Variants in CDH12 observed in about 807,000 individuals in gnomAD.
The protein encoded by CDH12 is cadherin 12, also known as cadherin-12.
A neutral mutation model predicts 74.1 loss-of-function variants in CDH12; 41 were observed. The ratio of observed to expected loss-of-function variants is 0.55; its 90% CI spans 0.43 to 0.72. The LOEUF is 0.72. CDH12 is among the 30% of genes least tolerant of loss of function. The pLI is 0.00. For synonymous variants in CDH12, 399 were observed against 355.0 expected, an observed-to-expected ratio of 1.12 and a Z score of -1.39; for missense variants, 945 against 977.2, an observed-to-expected ratio of 0.97 and a Z score of 0.44.
At chr5:22,117,487 T>TAA (rs1341894508) in intron 4 of CDH12, among the ~76,000 whole-genome samples, 1 of 47,806 alleles carries the variant, frequency 2.1e-5, no homozygotes. Flanking sequence ...ATTATATATA[T>TAA]ATTATATATA....
At chr5:22,601,227 T>C (rs193066835) in intron 1 of CDH12, among the ~76,000 whole-genome samples, 7 of 152,216 alleles carry the variant, frequency 4.6e-5, no homozygotes, top group Non-Finnish European at 8.8e-5. Context: ...AGTTTTGTTA[T>C]ACAGGTAACT....
chr5:22,489,346 C>T (rs1373365784), intron 2 of CDH12, among the ~76,000 whole-genome samples: 1 of 151,674 alleles, frequency 6.6e-6, no homozygotes, highest in Non-Finnish European at 1.5e-5. Flanking sequence ...CGTGAGCCAC[C>T]ACGCCCGGAC....
intron 2 of CDH12, among the ~76,000 whole-genome samples, chr5:22,479,628 T>A (rs560750525): frequency 2.0e-5 from 3 of 152,212 alleles, no homozygotes; most frequent in Non-Finnish European, 2.9e-5. Flanking sequence ...GGACTAATCG[T>A]AAACATTTAA....
intron 2 of CDH12, among the ~76,000 whole-genome samples, chr5:22,424,591 T>A (rs1371540717): frequency 6.6e-6 from 1 of 152,214 alleles, no homozygotes; most frequent in Non-Finnish European, 1.5e-5. Context: ...CATTTAATTG[T>A]GCAGGCTTTG....
At chr5:21,833,468 T>TTA in intron 8 of CDH12, among the ~76,000 whole-genome samples, 1 of 115,752 alleles carries the variant, frequency 8.6e-6, no homozygotes, top group Non-Finnish European at 1.7e-5. Context: ...ATATATATTA[T>TTA]TATATATCAT....
intron 10 of CDH12, among the ~76,000 whole-genome samples, chr5:21,800,135 T>A (rs1747029200): frequency 6.6e-6 from 1 of 152,158 alleles, no homozygotes; most frequent in Admixed American, 6.5e-5. Flanking sequence ...AAACACATAA[T>A]TTATTTGGTT....
At chr5:21,767,206 G>T (rs1745076266) in intron 11 of CDH12, among the ~76,000 whole-genome samples, 1 of 151,708 alleles carries the variant, frequency 6.6e-6, no homozygotes, top group Non-Finnish European at 1.5e-5. Context: ...ATGAAAATGA[G>T]AATGTCTTTT....
At chr5:21,771,944 G>A (rs559040362) in intron 11 of CDH12, among the ~76,000 whole-genome samples, 1 of 152,230 alleles carries the variant, frequency 6.6e-6, no homozygotes, top group South Asian at 2.1e-4. Flanking sequence ...AGTCTGTTTT[G>A]TCATTCGTAA....
At chr5:22,843,173 T>C (rs1352016975) in intron 1 of CDH12, among the ~76,000 whole-genome samples, 1 of 151,976 alleles carries the variant, frequency 6.6e-6, no homozygotes, top group Non-Finnish European at 1.5e-5. Context: ...GGAAGGAAAA[T>C]ATAGTAATTT....
chr5:22,435,961 T>C (rs1440276621), intron 2 of CDH12, among the ~76,000 whole-genome samples: 4 of 151,950 alleles, frequency 2.6e-5, no homozygotes, highest in East Asian at 3.9e-4. Flanking sequence ...TTAAAAACTC[T>C]GCTCCACGTA....
chr5:22,526,057 T>A (rs1737261116), intron 1 of CDH12, among the ~76,000 whole-genome samples: 1 of 152,150 alleles, frequency 6.6e-6, no homozygotes, highest in African/African-American at 2.4e-5. Flanking sequence ...TCTTTCTTTC[T>A]CAAAGCCGAA....
intron 5 of CDH12, among the ~76,000 whole-genome samples, chr5:21,993,229 A>C (rs1026339409): frequency 6.6e-6 from 1 of 152,168 alleles, no homozygotes; most frequent in Non-Finnish European, 1.5e-5. Flanking sequence ...TGAATTTTCA[A>C]TTATGACTGA....
chr5:21,944,971 T>A (rs1755504547), intron 6 of CDH12, among the ~76,000 whole-genome samples: 1 of 152,054 alleles, frequency 6.6e-6, no homozygotes, highest in South Asian at 2.1e-4. Context: ...GCTCTCAGGT[T>A]ACACATCAAT....
At chr5:21,961,610 A>C (rs1277079497) in intron 6 of CDH12, among the ~76,000 whole-genome samples, 2 of 152,136 alleles carry the variant, frequency 1.3e-5, no homozygotes, top group Non-Finnish European at 2.9e-5. Context: ...GTGGCCTCTA[A>C]TCCAATGTGA....
chr5:22,283,205 GATATATATATAGAT>G (rs1319598689), intron 3 of CDH12, among the ~76,000 whole-genome samples: 1,150 of 107,886 alleles, frequency 0.011, 9 homozygotes, highest in African/African-American at 0.014. Context: ...ACATCTGTGA[GATATATATATAGAT>G]ATATATATAT....
intron 12 of CDH12, among the ~76,000 whole-genome samples, chr5:21,762,798 T>C (rs1744797966): frequency 6.6e-6 from 1 of 151,898 alleles, no homozygotes; most frequent in African/African-American, 2.4e-5. Context: ...AGGCTTCCAT[T>C]TGGAGCATTA....
At chr5:22,602,134 T>C (rs1006260776) in intron 1 of CDH12, among the ~76,000 whole-genome samples, 1 of 152,172 alleles carries the variant, frequency 6.6e-6, no homozygotes, top group Non-Finnish European at 1.5e-5. Context: ...AATAATTAGC[T>C]GTCAATTAGC....
chr5:22,648,700 A>G (rs1375671304), intron 1 of CDH12, among the ~76,000 whole-genome samples: 1 of 152,022 alleles, frequency 6.6e-6, no homozygotes, highest in Non-Finnish European at 1.5e-5. Flanking sequence ...GCAGTTTATA[A>G]TTTGGAGTTG....
At chr5:22,295,965 C>T (rs1250466921) in intron 3 of CDH12, among the ~76,000 whole-genome samples, 1 of 151,950 alleles carries the variant, frequency 6.6e-6, no homozygotes, top group African/African-American at 2.4e-5. Context: ...ATTGTGTACA[C>T]ATATAATTTT....
Sources: allele counts gnomAD v4.1 joint callset (sites outside exome capture counted in the v4.1 genomes callset), GRCh38; gene constraint gnomAD v4.1.1; transcripts MANE v1.5; gene names NCBI Gene and HGNC (gene_info 2026-07-23, HGNC 2026-07-21).